Variants in PDE12 observed in about 807,000 individuals in gnomAD.
PDE12 encodes 2',5'-phosphodiesterase 12.
In PDE12, 26 loss-of-function variants were observed where a neutral mutation model predicts 45.4. The ratio of observed to expected loss-of-function variants is 0.57; its 90% CI spans 0.42 to 0.79. The LOEUF (loss-of-function observed/expected upper bound fraction) is 0.79. PDE12 is among the 30% of genes least tolerant of loss of function. The pLI, the probability that PDE12 is intolerant of heterozygous loss-of-function variation, is 0.00. For synonymous variants in PDE12, 283 were observed against 323.9 expected (o/e 0.87, Z 1.36); for missense variants, 668 against 790.0 (o/e 0.85, Z 1.85).
At chr3:57,584,090 G>A in the PDE12 span, 1 of 928,514 alleles carries the variant, frequency 1.1e-6, no homozygotes, top group African/African-American at 1.7e-5. Flanking sequence ...TTAGAATAGT[G>A]TTTTTAAAGT....
the PDE12 span, among the ~76,000 whole-genome samples, chr3:57,615,016 T>C: frequency 6.7e-5 from 10 of 150,200 alleles, no homozygotes; most frequent in Admixed American, 6.6e-4. Flanking sequence ...GTTTTTTTTA[T>C]GGCTGGGCAG....
the PDE12 span, among the ~76,000 whole-genome samples, chr3:57,579,432 C>T: frequency 2.6e-5 from 4 of 151,764 alleles, no homozygotes; most frequent in Admixed American, 6.6e-5. Context: ...AGATTACAGG[C>T]GCCCACCATT....
chr3:57,556,632 G>A lies in PDE12; in HGVS notation c.253G>A (p.Gly85Ser), dbSNP rs771017339. 4 of 1,607,662 alleles carry A rather than the reference G, an allele frequency of 2.5e-6. No homozygotes were observed. The highest frequency in any genetic ancestry group is 4.5e-5 in the East Asian group (2 of 44,692). ...LSRIATNALK[G>S]HAKAAAAKKS... ...CCGCATCGCTACCAATGCCCTAAAG[G>A]GTCACGCTAAGGCGGCCGCCGCCAA... The change falls in exon 1 of 3, where the codon GGT becomes AGT. Residue 85 changes from glycine to serine, a missense_variant. Transcript: ENST00000311180. The surrounding 1 kb of genome is among the most constrained non-coding windows in gnomAD (Gnocchi z 5.0).
the PDE12 span, among the ~76,000 whole-genome samples, chr3:57,581,062 G>A: frequency 6.6e-6 from 1 of 152,140 alleles, no homozygotes; most frequent in African/African-American, 2.4e-5. Flanking sequence ...GATAAGCCCA[G>A]CTGCTATGAA....
At chr3:57,641,716 A>C in the PDE12 span, 15 of 1,613,618 alleles carry the variant, frequency 9.3e-6, no homozygotes, top group Non-Finnish European at 1.1e-5. Flanking sequence ...TTAGCAAAAA[A>C]AGGGTTGGTT....
rs2069726089 is a variant in PDE12, at chr3:57,561,365, A to C, written c.*1361A>C. The stretch of plus-strand genomic sequence containing the variant: ...ACTTTTAAGCATCTCTGAAATAAAA[A>C]ACTTCTTTTTACAGACAAGCATTAT... On this transcript the variant is annotated 3_prime_UTR_variant, in exon 3 of 3. Coordinates refer to ENST00000311180, the MANE Select transcript of PDE12 (RefSeq NM_177966.7). 11 of 984,752 alleles carry C rather than the reference A, an allele frequency of 1.1e-5. No homozygotes were observed. The highest frequency in any genetic ancestry group is 1.3e-5 in the Non-Finnish European group (11 of 829,084). The allele number at this position is 984,752 out of a possible 1,614,324, so 61.0% of individuals were successfully genotyped here. A position where few individuals can be genotyped will look rare whatever the true frequency, so the allele number is the denominator to read the frequency against.
chr3:57,606,731 A>G, the PDE12 span, among the ~76,000 whole-genome samples: 1 of 152,192 alleles, frequency 6.6e-6, no homozygotes, highest in African/African-American at 2.4e-5. Flanking sequence ...TTCTATACAC[A>G]AAGTGGTATA....
the PDE12 span, chr3:57,596,748 G>A: frequency 6.6e-6 from 2 of 300,834 alleles, no homozygotes; most frequent in South Asian, 3.5e-5. Flanking sequence ...AAAGGGCCTC[G>A]CCAAGTGTTT....
At chr3:57,574,172 C>T in the PDE12 span, among the ~76,000 whole-genome samples, 1 of 152,006 alleles carries the variant, frequency 6.6e-6, no homozygotes, top group Non-Finnish European at 1.5e-5. Context: ...AATTCCTGAC[C>T]TCATGATCCA....
At chr3:57,572,037 A>G in the PDE12 span, 1 of 519,820 alleles carries the variant, frequency 1.9e-6, no homozygotes. Context: ...AACCAAGCAC[A>G]TTGCTAAATA....
the PDE12 span, among the ~76,000 whole-genome samples, chr3:57,590,097 A>AAATAAATC: frequency 5.9e-5 from 8 of 135,846 alleles, no homozygotes; most frequent in Middle Eastern, 7.5e-3. Context: ...CTCAATAAAT[A>AAATAAATC]AATAAATAAA....
the PDE12 span, among the ~76,000 whole-genome samples, chr3:57,623,145 C>G: frequency 1.1e-4 from 16 of 152,150 alleles, no homozygotes; most frequent in African/African-American, 3.9e-4. Context: ...AAAGGTGGCT[C>G]ACACCTGTAA....
chr3:57,652,118 C>G, the PDE12 span, among the ~76,000 whole-genome samples: 3 of 152,104 alleles, frequency 2.0e-5, no homozygotes, highest in Admixed American at 2.0e-4. Flanking sequence ...AAACATGGAG[C>G]CTAATTCTCC....
rs540994176 is a variant in PDE12, at chr3:57,565,015, G to T, written c.*5011G>T. The T allele has an allele frequency of 6.6e-6, 1 of 150,568 alleles. No individual in the cohort carries two copies. Among genetic ancestry groups the T allele is most frequent in the Non-Finnish European group, 1.5e-5 (1 of 67,836 alleles). 9.3% of individuals were successfully genotyped at this position (150,568 alleles called of 1,614,324 possible). On this transcript the variant is annotated 3_prime_UTR_variant, in exon 3 of 3. Coordinates refer to ENST00000311180, the MANE Select transcript of PDE12 (RefSeq NM_177966.7). ...TTTTTTTTTTTTTAAATAAGACAGG[G>T]TGTTGCTGTTGCCCAGGCTGGAGCG...
chr3:57,557,165 G>A lies in PDE12; in HGVS notation c.786G>A (p.Arg262=). 6.2e-7 allele frequency: 1 copy of A among 1,614,084 alleles called. No individual in the cohort carries two copies. The highest frequency in any genetic ancestry group is 8.5e-7 in the Non-Finnish European group (1 of 1,180,014). Residue 262 remains arginine (R), a synonymous_variant, in exon 1 of 3, where the codon CGG becomes CGA. Transcript: ENST00000311180. ...PGDGQRFGHS[R]ELESVCVVEA... ...ATGGGCAGCGCTTTGGGCACAGCCG[G>A]GAGTTGGAAAGTGTGTGTGTGGTAG... is the stretch of plus-strand genomic sequence containing the variant.
chr3:57,559,001 C>T (rs1278233960), intron 1 of PDE12, among the ~76,000 whole-genome samples: 1 of 151,478 alleles, frequency 6.6e-6, no homozygotes, highest in Non-Finnish European at 1.5e-5. Flanking sequence ...GCGGGTGGAT[C>T]ACAAGTCAGG....
the PDE12 span, among the ~76,000 whole-genome samples, chr3:57,639,510 A>C: frequency 6.6e-6 from 1 of 152,244 alleles, no homozygotes; most frequent in Non-Finnish European, 1.5e-5. Flanking sequence ...AGTAGGCCCA[A>C]ACCATGAAAA....
the PDE12 span, among the ~76,000 whole-genome samples, chr3:57,615,177 T>C: frequency 2.0e-5 from 3 of 151,664 alleles, no homozygotes; most frequent in African/African-American, 7.3e-5. Flanking sequence ...CCTCCCAAAG[T>C]GCTAGGAAAA....
At chr3:57,619,037 G>A in the PDE12 span, among the ~76,000 whole-genome samples, 55 of 152,160 alleles carry the variant, frequency 3.6e-4, no homozygotes, top group Admixed American at 2.4e-3. Flanking sequence ...TACTTTATAT[G>A]TAGCCCATTA....
Sources: gnomAD v4.1 joint callset for allele counts (sites outside exome capture counted in the v4.1 genomes callset) on GRCh38, gnomAD v4.1.1 for gene constraint, Gnocchi (gnomAD v3.1) non-coding constraint, MANE v1.5 for transcripts, NCBI Gene and HGNC (gene_info 2026-07-23, HGNC 2026-07-21) for gene names.